Variants in BMAL1 observed in about 807,000 individuals in gnomAD.
The protein encoded by BMAL1 is basic helix-loop-helix ARNT-like protein 1.
the BMAL1 span, among the ~76,000 whole-genome samples, chr11:13,339,436 C>G: frequency 6.6e-6 from 1 of 151,586 alleles, no homozygotes; most frequent in Non-Finnish European, 1.5e-5. Flanking sequence ...CTTTTACACA[C>G]ACACACACAC....
the BMAL1 span, among the ~76,000 whole-genome samples, chr11:13,279,337 C>A: frequency 6.6e-6 from 1 of 152,224 alleles, no homozygotes; most frequent in African/African-American, 2.4e-5. Flanking sequence ...TAGATGCATT[C>A]ATTTCCCACG....
At chr11:13,297,486 G>T in the BMAL1 span, among the ~76,000 whole-genome samples, 1 of 152,230 alleles carries the variant, frequency 6.6e-6, no homozygotes, top group Non-Finnish European at 1.5e-5. Context: ...GCAGGGAGAT[G>T]GGTTAGGAGG....
the BMAL1 span, among the ~76,000 whole-genome samples, chr11:13,351,855 C>A: frequency 1.3e-5 from 2 of 152,130 alleles, no homozygotes; most frequent in African/African-American, 4.8e-5. Context: ...GGGAGAGAAT[C>A]TGTTTGGAGT....
the BMAL1 span, among the ~76,000 whole-genome samples, chr11:13,341,937 G>A: frequency 1.3e-5 from 2 of 152,200 alleles, no homozygotes; most frequent in African/African-American, 2.4e-5. Flanking sequence ...CTTTGGCCTC[G>A]CCAGCCTGGT....
At chr11:13,382,653 CACTTG>C in the BMAL1 span, among the ~76,000 whole-genome samples, 2 of 152,208 alleles carry the variant, frequency 1.3e-5, no homozygotes, top group African/African-American at 2.4e-5. Flanking sequence ...AACTTTTAGG[CACTTG>C]ACTTGACTCC....
chr11:13,287,547 C>G, the BMAL1 span, among the ~76,000 whole-genome samples: 1 of 152,206 alleles, frequency 6.6e-6, no homozygotes, highest in Non-Finnish European at 1.5e-5. Flanking sequence ...TTTATTCCTT[C>G]AAAAAGTGAA....
the BMAL1 span, among the ~76,000 whole-genome samples, chr11:13,316,182 G>A: frequency 1.3e-5 from 2 of 152,132 alleles, no homozygotes; most frequent in African/African-American, 4.8e-5. Context: ...GGTCATGATG[G>A]TCCGTCTGCC....
chr11:13,364,796 G>C, the BMAL1 span, among the ~76,000 whole-genome samples: 1 of 152,154 alleles, frequency 6.6e-6, no homozygotes, highest in South Asian at 2.1e-4. Context: ...ACTGAAGAAG[G>C]GGTAAGAAGA....
chr11:13,377,607 G>A, the BMAL1 span, among the ~76,000 whole-genome samples: 1 of 152,034 alleles, frequency 6.6e-6, no homozygotes, highest in Admixed American at 6.5e-5. Context: ...TCTCATTTGT[G>A]CCTTTTCTGT....
At chr11:13,291,760 A>G in the BMAL1 span, among the ~76,000 whole-genome samples, 2 of 151,478 alleles carry the variant, frequency 1.3e-5, no homozygotes, top group Middle Eastern at 3.2e-3. Flanking sequence ...ATCAGAGTAA[A>G]TAAAAGGTCA....
chr11:13,307,758 G>C, the BMAL1 span, among the ~76,000 whole-genome samples: 2 of 152,214 alleles, frequency 1.3e-5, no homozygotes, highest in Non-Finnish European at 2.9e-5. Context: ...CAGAAGATAG[G>C]TGATACAGTC....
the BMAL1 span, among the ~76,000 whole-genome samples, chr11:13,281,281 C>A: frequency 2.0e-4 from 31 of 152,146 alleles, no homozygotes; most frequent in African/African-American, 6.0e-4. Context: ...GTGTACCAGG[C>A]AATTTACATG....
the BMAL1 span, among the ~76,000 whole-genome samples, chr11:13,311,357 G>C: frequency 6.6e-6 from 1 of 152,188 alleles, no homozygotes; most frequent in African/African-American, 2.4e-5. Flanking sequence ...GAGACCCAGA[G>C]GCCATGGAGG....
chr11:13,329,855 C>T, the BMAL1 span, among the ~76,000 whole-genome samples: 1 of 152,184 alleles, frequency 6.6e-6, no homozygotes, highest in African/African-American at 2.4e-5. Context: ...GTCAGGAAGC[C>T]ACTGAACAGA....
chr11:13,282,903 G>A, the BMAL1 span, among the ~76,000 whole-genome samples: 5 of 152,184 alleles, frequency 3.3e-5, no homozygotes, highest in African/African-American at 1.2e-4. Context: ...ACTCAGGGAC[G>A]GAGCAGGTGG....
At chr11:13,378,451 T>TA in the BMAL1 span, 3 of 1,607,722 alleles carry the variant, frequency 1.9e-6, no homozygotes, top group Non-Finnish European at 2.5e-6. Flanking sequence ...CACAGGCAAG[T>TA]AACACCTTCT....
the BMAL1 span, among the ~76,000 whole-genome samples, chr11:13,362,140 C>G: frequency 2.6e-5 from 4 of 152,170 alleles, no homozygotes; most frequent in Admixed American, 2.0e-4. Flanking sequence ...TTGCTCGATT[C>G]CTTCCAGAAG....
the BMAL1 span, among the ~76,000 whole-genome samples, chr11:13,385,992 G>T: frequency 6.6e-6 from 1 of 152,196 alleles, no homozygotes; most frequent in Non-Finnish European, 1.5e-5. Flanking sequence ...TTTGTGCCTG[G>T]AACTCAAGAG....
the BMAL1 span, chr11:13,380,989 C>T: frequency 1.7e-6 from 1 of 581,136 alleles, no homozygotes; most frequent in Non-Finnish European, 3.1e-6. Context: ...CAGAGTTGAG[C>T]ATTTGTGACA....
Sources: gnomAD v4.1 joint callset for allele counts (sites outside exome capture counted in the v4.1 genomes callset) on GRCh38, gnomAD v4.1.1 for gene constraint, MANE v1.5 for transcripts, NCBI Gene and HGNC (gene_info 2026-07-23, HGNC 2026-07-21) for gene names.